Variants in FBXL2 observed in about 807,000 individuals in gnomAD.
FBXL2 encodes F-box/LRR-repeat protein 2.
FBXL2 carries 38 observed loss-of-function variants against 69.2 expected under a neutral mutation model. The observed-to-expected ratio is 0.55, with a 90% CI of 0.42 to 0.72. FBXL2 has a LOEUF of 0.72. Among genes scored for constraint, FBXL2 ranks in the 30% least tolerant of loss-of-function variants. The pLI, the probability that FBXL2 is intolerant of heterozygous loss-of-function variation, is 0.00. For synonymous variants in FBXL2, 192 were observed against 201.3 expected, an observed-to-expected ratio of 0.95 and a Z score of 0.39; for missense variants, 354 against 520.3, an observed-to-expected ratio of 0.68 and a Z score of 3.11.
intron 1 of FBXL2, among the ~76,000 whole-genome samples, chr3:33,285,891 G>A (rs536658362): frequency 5.1e-4 from 78 of 152,180 alleles, no homozygotes; most frequent in African/African-American, 1.7e-3. Flanking sequence ...GCTCCATCAG[G>A]TCATTTAAGG....
intron 2 of FBXL2, among the ~76,000 whole-genome samples, chr3:33,351,675 G>A (rs111846545): frequency 0.014 from 2,118 of 152,220 alleles, 21 homozygotes; most frequent in South Asian, 0.026. Context: ...GGAGCAACAA[G>A]AACTCTTATT....
At chr3:33,380,289 C>T (rs1464014279) in intron 13 of FBXL2, among the ~76,000 whole-genome samples, 1 of 151,348 alleles carries the variant, frequency 6.6e-6, no homozygotes, top group East Asian at 2.0e-4. Flanking sequence ...GCTGCGGTGG[C>T]TCATGCCTGT....
At chr3:33,296,860 A>G (rs913636307) in intron 1 of FBXL2, among the ~76,000 whole-genome samples, 1 of 152,058 alleles carries the variant, frequency 6.6e-6, no homozygotes, top group Non-Finnish European at 1.5e-5. Flanking sequence ...TTTCAAGATG[A>G]TTTTAGTTAA....
upstream of FBXL2, chr3:33,277,185 T>A (rs7427843): frequency 0.29 from 84,743 of 290,822 alleles, 15,305 homozygotes; most frequent in East Asian, 0.58. Flanking sequence ...ACGTTTTTTT[T>A]AAAAAAAAAA....
intron 2 of FBXL2, among the ~76,000 whole-genome samples, chr3:33,314,373 A>G (rs1396381435): frequency 6.6e-6 from 1 of 152,052 alleles, no homozygotes; most frequent in East Asian, 1.9e-4. Flanking sequence ...CTCCTCTTCT[A>G]TGAGTTCAAC....
At chr3:33,401,183 G>A (rs2044215577) in intron 12 of FBXL2, among the ~76,000 whole-genome samples, 1 of 152,204 alleles carries the variant, frequency 6.6e-6, no homozygotes, top group South Asian at 2.1e-4. Context: ...AGCTTAGGGT[G>A]TGGACATGAT....
At chr3:33,363,058 T>C (rs896770893) in intron 4 of FBXL2, among the ~76,000 whole-genome samples, 4 of 152,190 alleles carry the variant, frequency 2.6e-5, no homozygotes, top group Non-Finnish European at 4.4e-5. Context: ...TTTGTTTTTA[T>C]GAGACAGAGT....
downstream of FBXL2, among the ~76,000 whole-genome samples, chr3:33,404,282 T>C (rs2044353822): frequency 6.6e-6 from 1 of 151,826 alleles, no homozygotes; most frequent in South Asian, 2.1e-4. Context: ...CGTAGTGGCG[T>C]GTGCCTGTAA....
chr3:33,287,471 TTTTA>T (rs1335582318), intron 1 of FBXL2, among the ~76,000 whole-genome samples: 2 of 152,144 alleles, frequency 1.3e-5, no homozygotes, highest in Non-Finnish European at 2.9e-5. Context: ...TGTTATTTAA[TTTTA>T]TTTATTTATT....
At chr3:33,339,615 G>T (rs544796775) in intron 2 of FBXL2, among the ~76,000 whole-genome samples, 2 of 152,222 alleles carry the variant, frequency 1.3e-5, no homozygotes, top group African/African-American at 4.8e-5. Flanking sequence ...TCATTACCTG[G>T]ATGACAAAAT....
intron 13 of FBXL2, among the ~76,000 whole-genome samples, chr3:33,380,778 T>A (rs1052599554): frequency 6.6e-6 from 1 of 152,234 alleles, no homozygotes; most frequent in Non-Finnish European, 1.5e-5. Context: ...CTGATGGCAA[T>A]TAAAAGTAAC....
intron 12 of FBXL2, chr3:33,402,937 T>C (rs1210402163): frequency 6.5e-7 from 1 of 1,530,648 alleles, no homozygotes; most frequent in East Asian, 2.3e-5. Context: ...ATTAGTGATA[T>C]GCTTTTAAAA....
chr3:33,378,852 T>G (rs764812393), intron 13 of FBXL2, 111 bp downstream of exon 13: 1 of 1,577,208 alleles, frequency 6.3e-7, no homozygotes, highest in Admixed American at 1.9e-5. Flanking sequence ...CTCTCTTGAT[T>G]TCAAAAATCT....
intron 13 of FBXL2, among the ~76,000 whole-genome samples, chr3:33,381,288 A>C (rs774995380): frequency 2.6e-5 from 4 of 152,246 alleles, no homozygotes; most frequent in Non-Finnish European, 5.9e-5. Context: ...CACCATCTCC[A>C]TCATCTTTCT....
intron 2 of FBXL2, among the ~76,000 whole-genome samples, chr3:33,341,116 A>C (rs1394314199): frequency 6.6e-6 from 1 of 152,156 alleles, no homozygotes; most frequent in Non-Finnish European, 1.5e-5. Flanking sequence ...CAAAAGGAGA[A>C]GTAACCAAAT....
chr3:33,314,506 C>G (rs1559527039), intron 2 of FBXL2, among the ~76,000 whole-genome samples: 1 of 152,150 alleles, frequency 6.6e-6, no homozygotes, highest in Non-Finnish European at 1.5e-5. Flanking sequence ...TCTATTATGG[C>G]TAGAGAATAT....
At chr3:33,346,140 T>C (rs1175873882) in intron 2 of FBXL2, among the ~76,000 whole-genome samples, 1 of 152,106 alleles carries the variant, frequency 6.6e-6, no homozygotes, top group Admixed American at 6.6e-5. Context: ...GGCAGGAGAA[T>C]CGCTTAACCT....
chr3:33,277,882 A>G (rs953387359), intron 1 of FBXL2, among the ~76,000 whole-genome samples: 1 of 152,174 alleles, frequency 6.6e-6, no homozygotes. Context: ...TATGGATATC[A>G]TATGTATTTA....
At chr3:33,317,506 A>G (rs1282092258) in intron 2 of FBXL2, 2 of 456,558 alleles carry the variant, frequency 4.4e-6, no homozygotes, top group Admixed American at 4.7e-5. Context: ...ACAATAAACA[A>G]TAAAACTTGT....
Sources: allele counts gnomAD v4.1 joint callset (sites outside exome capture counted in the v4.1 genomes callset), GRCh38; gene constraint gnomAD v4.1.1; transcripts MANE v1.5; gene names NCBI Gene and HGNC (gene_info 2026-07-23, HGNC 2026-07-21).